GAB1: variants seen among roughly 807,000 people sequenced by gnomAD.
The protein encoded by GAB1 is GRB2-associated-binding protein 1.
In GAB1, 19 loss-of-function variants were observed where a neutral mutation model predicts 66.5. That is an observed-to-expected ratio of 0.29 (90% confidence interval 0.20 to 0.42). GAB1 has a LOEUF of 0.42. GAB1 is among the 10% of genes least tolerant of loss of function. The pLI, the probability that GAB1 is intolerant of heterozygous loss-of-function variation, is 1.00. For synonymous variants in GAB1, 294 were observed against 301.4 expected (o/e 0.98, Z 0.25); for missense variants, 732 against 858.5 (o/e 0.85, Z 1.84).
chr4:143,460,236 C>T, intron 7 of GAB1, 128 bp from the exon 8 acceptor site: 1 of 804,170 alleles, frequency 1.2e-6, no homozygotes, highest in Non-Finnish European at 2.0e-6. Flanking sequence ...TAAATGTGTA[C>T]AATGAATGAT....
At chr4:143,399,542 A>C (rs1207486475) in intron 1 of GAB1, among the ~76,000 whole-genome samples, 1 of 152,162 alleles carries the variant, frequency 6.6e-6, no homozygotes, top group African/African-American at 2.4e-5. Context: ...TTCCCTGCTC[A>C]TAAACACTCC....
Position 143,420,730 on chromosome 4 carries a change from T to C in GAB1, c.367+4959T>C, listed in dbSNP as rs565495618. Reference sequence around the variant, plus strand: ...GCAGGATTAGAAAGTTGCCTCTGAGTTGCTTTTCTCAAAATGCCCAGATCA... The same window carrying C: ...GCAGGATTAGAAAGTTGCCTCTGAGCTGCTTTTCTCAAAATGCCCAGATCA... On this transcript the variant is annotated intron_variant, in intron 2 of 9. Coordinates refer to ENST00000262994, the MANE Select transcript of GAB1 (RefSeq NM_002039.4). Among the ~76,000 whole-genome samples, 11 of 152,168 alleles carry C rather than the reference T, an allele frequency of 7.2e-5. No homozygotes were observed. In the South Asian group the frequency reaches 2.1e-3, roughly 29 times the overall value.
intron 8 of GAB1, among the ~76,000 whole-genome samples, chr4:143,461,120 A>G (rs1735472484): frequency 6.6e-6 from 1 of 152,226 alleles, no homozygotes; most frequent in Non-Finnish European, 1.5e-5. Flanking sequence ...GTTGCCAGAA[A>G]ATACTTCAAA....
chr4:143,403,140 T>A (rs1731860609), intron 1 of GAB1, among the ~76,000 whole-genome samples: 1 of 152,212 alleles, frequency 6.6e-6, no homozygotes, highest in African/African-American at 2.4e-5. Flanking sequence ...GTTTTCTTTT[T>A]TCTTTTTTTT....
intron 1 of GAB1, among the ~76,000 whole-genome samples, chr4:143,415,027 G>A (rs1323266186): frequency 6.6e-6 from 1 of 151,916 alleles, no homozygotes; most frequent in East Asian, 1.9e-4. Context: ...CTTTCTGTCT[G>A]TATGAATTTG....
intron 6 of GAB1, among the ~76,000 whole-genome samples, chr4:143,456,556 G>A (rs1454019312): frequency 6.6e-6 from 1 of 152,016 alleles, no homozygotes; most frequent in Non-Finnish European, 1.5e-5. Context: ...AGTGGATCTT[G>A]CCCAAAATTT....
intron 2 of GAB1, chr4:143,424,807 T>A (rs1468667382): frequency 3.2e-6 from 1 of 313,804 alleles, no homozygotes; most frequent in African/African-American, 2.2e-5. Context: ...ATACAAAAGT[T>A]AGCTGGGCGT....
At chr4:143,423,790 G>GTGTA (rs1560759261) in intron 2 of GAB1, among the ~76,000 whole-genome samples, 32 of 33,400 alleles carry the variant, frequency 9.6e-4, no homozygotes, top group East Asian at 2.2e-3. Context: ...AAAAAAAAAA[G>GTGTA]TGTATATATA....
At chr4:143,339,043 T>A (rs1728746924) in intron 1 of GAB1, among the ~76,000 whole-genome samples, 1 of 152,224 alleles carries the variant, frequency 6.6e-6, no homozygotes, top group South Asian at 2.1e-4. Flanking sequence ...AAAAAGATTA[T>A]GTCTTAACAA....
intron 6 of GAB1, 136 bp from the exon 7 acceptor site, chr4:143,459,249 C>T: frequency 1.6e-6 from 1 of 638,788 alleles, no homozygotes; most frequent in Non-Finnish European, 2.8e-6. Flanking sequence ...ATTCATGGAC[C>T]TCATTTCACA....
At chr4:143,428,984 C>T (rs1279217514) in intron 2 of GAB1, among the ~76,000 whole-genome samples, 1 of 151,882 alleles carries the variant, frequency 6.6e-6, no homozygotes, top group Non-Finnish European at 1.5e-5. Flanking sequence ...TACCCTAGAA[C>T]TTAAAGTATA....
intron 1 of GAB1, among the ~76,000 whole-genome samples, chr4:143,348,573 A>G (rs952926300): frequency 6.6e-6 from 1 of 152,242 alleles, no homozygotes; most frequent in African/African-American, 2.4e-5. Context: ...TGCAATAGCC[A>G]GTTGCAGTTG....
chr4:143,428,996 TAAATAA>T (rs991008581), intron 2 of GAB1, among the ~76,000 whole-genome samples: 2 of 152,094 alleles, frequency 1.3e-5, no homozygotes, highest in Admixed American at 6.6e-5. Context: ...TAAAGTATAA[TAAATAA>T]AAATAAATAA....
chr4:143,399,595 A>G (rs1050318970), intron 1 of GAB1, among the ~76,000 whole-genome samples: 2 of 152,206 alleles, frequency 1.3e-5, no homozygotes, highest in African/African-American at 2.4e-5. Context: ...AGAAACCCAT[A>G]TCAATACACT....
chr4:143,434,047 A>C (rs758806985), intron 3 of GAB1: 1 of 1,061,652 alleles, frequency 9.4e-7, no homozygotes, highest in Non-Finnish European at 1.3e-6. Context: ...CTGATTTATA[A>C]ATGGTGATCT....
chr4:143,373,868 A>AATAAATATATATATATATATATATAT, intron 1 of GAB1, among the ~76,000 whole-genome samples: 14 of 93,692 alleles, frequency 1.5e-4, no homozygotes, highest in African/African-American at 6.5e-4. Context: ...TAAATAAATA[A>AATAAATATATATATATATATATATAT]ATATATATAT....
chr4:143,395,498 T>G, intron 1 of GAB1: 1 of 182,548 alleles, frequency 5.5e-6, no homozygotes, highest in Non-Finnish European at 1.2e-5. Flanking sequence ...ATAACACAGT[T>G]GAGTACATTA....
chr4:143,365,251 A>C (rs981563025), intron 1 of GAB1, among the ~76,000 whole-genome samples: 3 of 152,126 alleles, frequency 2.0e-5, no homozygotes, highest in Non-Finnish European at 4.4e-5. Context: ...TAGAGGAAGA[A>C]GGAGGGGGAA....
intron 2 of GAB1, among the ~76,000 whole-genome samples, chr4:143,432,503 C>T (rs538182328): frequency 1.2e-4 from 18 of 152,222 alleles, no homozygotes; most frequent in Non-Finnish European, 1.9e-4. Flanking sequence ...TCCAGCAAAG[C>T]GAGATGGGGT....
Sources: allele counts gnomAD v4.1 joint callset (sites outside exome capture counted in the v4.1 genomes callset), GRCh38; gene constraint gnomAD v4.1.1; transcripts MANE v1.5; gene names NCBI Gene and HGNC (gene_info 2026-07-23, HGNC 2026-07-21).